The following KATNBL1 variants were observed in gnomAD, a reference collection of about 807,000 sequenced individuals.
KATNBL1 encodes katanin regulatory subunit B1 like 1.
In KATNBL1, 28 loss-of-function variants were observed where a neutral mutation model predicts 44.7. That is an observed-to-expected ratio of 0.63 (90% CI 0.46 to 0.86). KATNBL1 has a LOEUF of 0.86. KATNBL1 is among the 40% of genes least tolerant of loss of function. The pLI, the probability that KATNBL1 is intolerant of heterozygous loss-of-function variation, is 0.00. For synonymous variants in KATNBL1, 78 were observed against 114.9 expected, an observed-to-expected ratio of 0.68 and a Z score of 2.06; for missense variants, 272 against 350.7, an observed-to-expected ratio of 0.78 and a Z score of 1.79.
At chr15:34,185,310 T>G (rs886423577) in intron 1 of KATNBL1, among the ~76,000 whole-genome samples, 2 of 152,176 alleles carry the variant, frequency 1.3e-5, no homozygotes, top group African/African-American at 4.8e-5. Flanking sequence ...ATTTCTTCCT[T>G]CACTATCTCT....
At chr15:34,186,141 T>C (rs1889709977) in intron 1 of KATNBL1, among the ~76,000 whole-genome samples, 1 of 152,326 alleles carries the variant, frequency 6.6e-6, no homozygotes, top group East Asian at 1.9e-4. Context: ...CATTGATCTT[T>C]CTGGCTGCTT....
chr15:34,160,739 G>C (rs986571398), intron 2 of KATNBL1, among the ~76,000 whole-genome samples: 2 of 151,984 alleles, frequency 1.3e-5, no homozygotes, highest in African/African-American at 4.8e-5. Context: ...ACCTTACTTG[G>C]GGTATTTCCC....
At chr15:34,187,903 C>G (rs536828160) in intron 1 of KATNBL1, among the ~76,000 whole-genome samples, 35 of 151,708 alleles carry the variant, frequency 2.3e-4, no homozygotes, top group African/African-American at 8.5e-4. Flanking sequence ...CTTTGGGAGG[C>G]CAAGGTAGGT....
At chr15:34,170,180 T>C (rs1337584951) in intron 1 of KATNBL1, among the ~76,000 whole-genome samples, 1 of 152,126 alleles carries the variant, frequency 6.6e-6, no homozygotes, top group Non-Finnish European at 1.5e-5. Flanking sequence ...GATTGTATAT[T>C]TAGAAAACCC....
intron 2 of KATNBL1, among the ~76,000 whole-genome samples, chr15:34,163,049 T>TC (rs1170824146): frequency 6.6e-6 from 1 of 151,414 alleles, no homozygotes; most frequent in African/African-American, 2.4e-5. Context: ...TAAAAACTTT[T>TC]TTTTTTTTTT....
intron 2 of KATNBL1, among the ~76,000 whole-genome samples, chr15:34,162,360 G>C (rs1043302093): frequency 2.6e-5 from 4 of 152,142 alleles, no homozygotes; most frequent in Admixed American, 1.3e-4. Flanking sequence ...TCTCTCGTCT[G>C]CTGCCACGTA....
intron 1 of KATNBL1, among the ~76,000 whole-genome samples, chr15:34,192,184 C>T (rs1889892893): frequency 7.0e-6 from 1 of 142,056 alleles, no homozygotes; most frequent in Non-Finnish European, 1.5e-5. Context: ...GCAGGTGGAT[C>T]ACCAGGTCAG....
chr15:34,194,348 C>G (rs184657188), intron 1 of KATNBL1, among the ~76,000 whole-genome samples: 19 of 152,098 alleles, frequency 1.2e-4, no homozygotes, highest in African/African-American at 1.7e-4. Context: ...GTGGGTCATA[C>G]CTGTAATTCT....
At chr15:34,169,890 C>G (rs1204912939) in intron 1 of KATNBL1, among the ~76,000 whole-genome samples, 5 of 152,130 alleles carry the variant, frequency 3.3e-5, no homozygotes, top group Non-Finnish European at 7.3e-5. Flanking sequence ...ATTCAACAGC[C>G]CTTCATGCTA....
intron 1 of KATNBL1, among the ~76,000 whole-genome samples, chr15:34,188,136 G>GCAAAAAA (rs1394136257): frequency 3.0e-4 from 2 of 6,578 alleles, no homozygotes; most frequent in Non-Finnish European, 4.4e-4. Context: ...AAGACGCCAT[G>GCAAAAAA]TAAAAAAAAA....
At chr15:34,143,511 CA>C (rs1026049113) in intron 9 of KATNBL1, among the ~76,000 whole-genome samples, 2 of 151,512 alleles carry the variant, frequency 1.3e-5, no homozygotes, top group Non-Finnish European at 2.9e-5. Context: ...AAATTTCAGT[CA>C]TAAGGAACAA....
At chr15:34,195,667 G>A (rs1212797136) in intron 1 of KATNBL1, among the ~76,000 whole-genome samples, 1 of 143,752 alleles carries the variant, frequency 7.0e-6, no homozygotes, top group African/African-American at 2.9e-5. Context: ...CTCCAGCCTG[G>A]GCAACAGAGA....
At chr15:34,165,289 G>A (rs1032393750) in intron 1 of KATNBL1, among the ~76,000 whole-genome samples, 1 of 151,984 alleles carries the variant, frequency 6.6e-6, no homozygotes, top group African/African-American at 2.4e-5. Flanking sequence ...GATCACAAAG[G>A]GTCTTGTCCA....
chr15:34,209,798 G>A (rs1428080003), intron 1 of KATNBL1, 153 bp downstream of exon 1: 1 of 150,734 alleles, frequency 6.6e-6, no homozygotes, highest in Non-Finnish European at 1.5e-5. Flanking sequence ...GCCCCGCCCC[G>A]GGACCCGGCA....
At chr15:34,179,612 G>A (rs1889457930) in intron 1 of KATNBL1, among the ~76,000 whole-genome samples, 1 of 152,020 alleles carries the variant, frequency 6.6e-6, no homozygotes, top group African/African-American at 2.4e-5. Context: ...AAGACTATAG[G>A]CACACAACAT....
intron 1 of KATNBL1, among the ~76,000 whole-genome samples, chr15:34,199,209 T>G (rs1303990824): frequency 6.6e-6 from 1 of 152,106 alleles, no homozygotes; most frequent in Non-Finnish European, 1.5e-5. Context: ...GAGGCTGACG[T>G]GGGCGGATCA....
At chr15:34,161,250 ATT>A (rs1023141305) in intron 2 of KATNBL1, among the ~76,000 whole-genome samples, 1 of 151,802 alleles carries the variant, frequency 6.6e-6, no homozygotes, top group African/African-American at 2.4e-5. Context: ...GTATGTGATT[ATT>A]TTTTTTCCCC....
chr15:34,148,666 T>C lies in KATNBL1; in HGVS notation c.523A>G (p.Arg175Gly), dbSNP rs1222833036. The change falls in exon 5 of 10, where the codon AGA becomes GGA. Residue 175 changes from arginine to glycine, a missense_variant. Arg to Gly is a moderately radical substitution (Grantham distance 125). Transcript: ENST00000256544. ...TAAGCTACAAGTTCACTTATACTTC[T>C]CTTTCTCCAGAAAGTTAAAGCTACA... ...LNVALTFWRK[R>G]SISELVAYLL... 6.2e-7 allele frequency: 1 copy of C among 1,606,474 alleles called. No individual in the cohort carries two copies. The highest frequency in any genetic ancestry group is 8.5e-7 in the Non-Finnish European group (1 of 1,173,274).
At chr15:34,193,228 AAAAAAAAC>A (rs1334724261) in intron 1 of KATNBL1, among the ~76,000 whole-genome samples, 7 of 121,434 alleles carry the variant, frequency 5.8e-5, no homozygotes, top group South Asian at 2.7e-4. Flanking sequence ...AAAAAAAAAA[AAAAAAAAC>A]AAAAAAAAAA....
Sources: allele counts gnomAD v4.1 joint callset (sites outside exome capture counted in the v4.1 genomes callset), GRCh38; gene constraint gnomAD v4.1.1; transcripts MANE v1.5; gene names NCBI Gene and HGNC (gene_info 2026-07-23, HGNC 2026-07-21).